Variants in LHFPL3 observed in about 807,000 individuals in gnomAD.
LHFPL3 encodes the protein LHFPL tetraspan subfamily member 3.
A neutral mutation model predicts 19.3 loss-of-function variants in LHFPL3; 5 were observed. The ratio of observed to expected loss-of-function variants is 0.26; its 90% CI spans 0.14 to 0.54. LHFPL3 has a LOEUF of 0.54. Ranked by LOEUF, LHFPL3 falls within the 20% of genes least tolerant of loss-of-function variation. The pLI is 0.94. For synonymous variants in LHFPL3, 133 were observed against 126.2 expected (o/e 1.05, Z -0.36); for missense variants, 249 against 307.4 (o/e 0.81, Z 1.42).
At position 104,645,786 on chromosome 7, in the gene LHFPL3, G is replaced by A. The variant is rs1043919694; in HGVS notation, c.446-90889G>A. On this transcript the variant is annotated intron_variant, in intron 1 of 2. Transcript: ENST00000424859. ...CGCCATTCTCCTGCCTCAGCCTCCC[G>A]AGTAGCTGGGACTACAGGCGCCCGC... 5.5e-5 allele frequency among the ~76,000 whole-genome samples: 8 copies of A among 144,480 alleles called. No individual in the cohort carries two copies. In the East Asian group the frequency reaches 8.9e-4, roughly 16 times the overall value. 94.8% of individuals were successfully genotyped at this position (144,480 alleles called of 152,430 possible). A position where few individuals can be genotyped will look rare whatever the true frequency, so the allele number is the denominator to read the frequency against.
intron 1 of LHFPL3, among the ~76,000 whole-genome samples, chr7:104,461,073 C>A (rs1792653121): frequency 6.6e-6 from 1 of 152,198 alleles, no homozygotes; most frequent in Non-Finnish European, 1.5e-5. Context: ...TTAATTGACT[C>A]ACAGTTTCAC....
chr7:104,517,027 C>T (rs757344015), intron 1 of LHFPL3, among the ~76,000 whole-genome samples: 17 of 152,032 alleles, frequency 1.1e-4, no homozygotes, highest in Non-Finnish European at 2.2e-4. Context: ...ATATCCTTAG[C>T]GGACTAATGC....
At chr7:104,429,958 T>C (rs1352276400) in intron 1 of LHFPL3, among the ~76,000 whole-genome samples, 1 of 152,150 alleles carries the variant, frequency 6.6e-6, no homozygotes, top group Admixed American at 6.5e-5. Flanking sequence ...ACAAGTTTCT[T>C]GTTCTAGTGG....
rs544904477 is a variant in LHFPL3, at chr7:104,600,050, C to T, written c.446-136625C>T. 8.7e-4 allele frequency among the ~76,000 whole-genome samples: 132 copies of T among 152,278 alleles called. 1 individual carries two copies. The highest frequency in any genetic ancestry group is 3.0e-3 in the African/African-American group (125 of 41,564). ...CCTCAGATGAGGAAGTATGGCTCAT[C>T]GCTCATGGCCTGCTGTCTGTGTACA... On this transcript the variant is annotated intron_variant, in intron 1 of 2. Transcript: ENST00000424859.
At chr7:104,591,807 C>T (rs1288923276) in intron 1 of LHFPL3, among the ~76,000 whole-genome samples, 3 of 152,092 alleles carry the variant, frequency 2.0e-5, no homozygotes, top group Non-Finnish European at 4.4e-5. Context: ...GGAGGCTTTG[C>T]TCATTTCTTT....
At chr7:104,818,837 C>A (rs1160113504) in intron 2 of LHFPL3, among the ~76,000 whole-genome samples, 2 of 151,934 alleles carry the variant, frequency 1.3e-5, no homozygotes, top group Non-Finnish European at 2.9e-5. Flanking sequence ...AAAAAAGGAG[C>A]CCCAATACAC....
At chr7:104,709,203 A>G (rs1793247079) in intron 1 of LHFPL3, among the ~76,000 whole-genome samples, 1 of 149,374 alleles carries the variant, frequency 6.7e-6, no homozygotes, top group Admixed American at 6.7e-5. Context: ...ATTATCCACA[A>G]TTTCATTTTT....
intron 1 of LHFPL3, among the ~76,000 whole-genome samples, chr7:104,388,410 A>C (rs755409829): frequency 9.2e-5 from 14 of 151,872 alleles, no homozygotes; most frequent in Non-Finnish European, 1.5e-4. Flanking sequence ...TAAGACATAC[A>C]GCTGACTTTT....
chr7:104,772,305 C>T (rs766134631), intron 2 of LHFPL3, among the ~76,000 whole-genome samples: 4 of 152,182 alleles, frequency 2.6e-5, no homozygotes, highest in African/African-American at 4.8e-5. Context: ...AAGGAAGTGA[C>T]TTGCCAAAAA....
chr7:104,885,946 C>A lies in LHFPL3; in HGVS notation c.683-20241C>A, dbSNP rs79745855. The stretch of plus-strand genomic sequence containing the variant: ...TCTCCTGCCTCTGCTTTTGCTGAAG[C>A]CTCCACCTAGAAGGTGGATTCCCCT... On this transcript the variant is annotated intron_variant, in intron 2 of 2. Transcript: ENST00000424859. Among the ~76,000 whole-genome samples, 727 of 152,316 alleles carry A rather than the reference C, an allele frequency of 4.8e-3. 2 individuals carry two copies. The highest frequency in any genetic ancestry group is 8.3e-3 in the Non-Finnish European group (567 of 68,026).
At chr7:104,731,331 G>A (rs1290539668) in intron 1 of LHFPL3, among the ~76,000 whole-genome samples, 16 of 151,930 alleles carry the variant, frequency 1.1e-4, no homozygotes, top group African/African-American at 3.9e-4. Flanking sequence ...GCATTTTCAT[G>A]ATATTGATTC....
chr7:104,430,377 T>C (rs1562894954), intron 1 of LHFPL3, among the ~76,000 whole-genome samples: 1 of 53,644 alleles, frequency 1.9e-5, no homozygotes, highest in Non-Finnish European at 3.0e-5. Flanking sequence ...TGGGTATATA[T>C]ATATACATAT....
chr7:104,738,643 T>C (rs974646115), intron 2 of LHFPL3: 5 of 152,102 alleles, frequency 3.3e-5, no homozygotes, highest in African/African-American at 1.2e-4. Context: ...GAATTACAAC[T>C]CATACTCATG....
At position 104,525,490 on chromosome 7, in the gene LHFPL3, C is replaced by A. The variant is rs373095316; in HGVS notation, c.445+196266C>A. On this transcript the variant is annotated intron_variant, in intron 1 of 2. Transcript: ENST00000424859. Reference sequence around the variant, plus strand: ...TTGGTTCATGTAGCAGAAAAGGCTGCTGAGGTAATTCACAAGATTAAAAGA... The same window carrying A: ...TTGGTTCATGTAGCAGAAAAGGCTGATGAGGTAATTCACAAGATTAAAAGA... 3.0e-4 allele frequency among the ~76,000 whole-genome samples: 46 copies of A among 152,182 alleles called. 1 individual carries two copies. In the East Asian group the frequency reaches 5.4e-3, roughly 18 times the overall value.
chr7:104,505,014 A>C (rs1370064464), intron 1 of LHFPL3, among the ~76,000 whole-genome samples: 1 of 151,514 alleles, frequency 6.6e-6, no homozygotes, highest in Non-Finnish European at 1.5e-5. Context: ...ATATACATGC[A>C]TATACTGTGT....
chr7:104,884,091 G>A (rs1298173015), intron 2 of LHFPL3, among the ~76,000 whole-genome samples: 1 of 152,122 alleles, frequency 6.6e-6, no homozygotes, highest in African/African-American at 2.4e-5. Flanking sequence ...GAAGTGGTAA[G>A]AATTCAATGA....
intron 2 of LHFPL3, among the ~76,000 whole-genome samples, chr7:104,746,457 T>A (rs1269718620): frequency 6.6e-6 from 1 of 152,118 alleles, no homozygotes; most frequent in Non-Finnish European, 1.5e-5. Flanking sequence ...AACTCCCTTG[T>A]TTTACTGATG....
intron 1 of LHFPL3, among the ~76,000 whole-genome samples, chr7:104,394,937 G>T (rs1791152839): frequency 6.6e-6 from 1 of 151,992 alleles, no homozygotes; most frequent in Admixed American, 6.6e-5. Flanking sequence ...CTGACTTTGT[G>T]ATCCACCCAC....
intron 1 of LHFPL3, among the ~76,000 whole-genome samples, chr7:104,367,176 A>C (rs771553165): frequency 6.6e-6 from 1 of 152,206 alleles, no homozygotes; most frequent in Non-Finnish European, 1.5e-5. Flanking sequence ...GGTTCCAATG[A>C]TAAAACTAAA....
Sources: gnomAD v4.1 joint callset for allele counts (sites outside exome capture counted in the v4.1 genomes callset) on GRCh38, gnomAD v4.1.1 for gene constraint, MANE v1.5 for transcripts, NCBI Gene and HGNC (gene_info 2026-07-23, HGNC 2026-07-21) for gene names.